Variants in EYS observed in about 807,000 individuals in gnomAD.
EYS encodes the protein EGF-like photoreceptor maintenance factor, also known as protein eyes shut homolog.
In EYS, 250 loss-of-function variants were observed where a neutral mutation model predicts 282.1. That is an observed-to-expected ratio of 0.89 (90% CI 0.80 to 0.98). The LOEUF is 0.98. Ranked by LOEUF, EYS falls within the 50% of genes least tolerant of loss-of-function variation. The pLI is 0.00. For synonymous variants in EYS, 1,355 were observed against 1,282.9 expected, an observed-to-expected ratio of 1.06 and a Z score of -1.20; for missense variants, 4,016 against 3,709.0, an observed-to-expected ratio of 1.08 and a Z score of -2.15.
intron 12 of EYS, among the ~76,000 whole-genome samples, chr6:65,121,682 C>T (rs1775555552): frequency 6.6e-6 from 1 of 152,128 alleles, no homozygotes; most frequent in Non-Finnish European, 1.5e-5. Context: ...TCTACAATTA[C>T]TTGCATGTTT....
intron 12 of EYS, among the ~76,000 whole-genome samples, chr6:65,139,272 A>T (rs115285696): frequency 3.2e-4 from 49 of 152,034 alleles, no homozygotes; most frequent in African/African-American, 1.2e-3. Context: ...ATGAGATCAC[A>T]TCCTTTGAAA....
chr6:64,301,686 G>A (rs763653461), intron 30 of EYS, among the ~76,000 whole-genome samples: 17 of 152,096 alleles, frequency 1.1e-4, no homozygotes, highest in Non-Finnish European at 2.2e-4. Flanking sequence ...CTCTGATTAC[G>A]CAGGCCATGT....
intron 22 of EYS, among the ~76,000 whole-genome samples, chr6:64,689,265 G>A (rs1340528109): frequency 6.6e-6 from 1 of 152,050 alleles, no homozygotes; most frequent in Non-Finnish European, 1.5e-5. Context: ...AACTTGCAAG[G>A]GATGTGAAGG....
At chr6:64,829,743 C>T (rs538931624) in intron 19 of EYS, among the ~76,000 whole-genome samples, 174 of 152,014 alleles carry the variant, frequency 1.1e-3, no homozygotes, top group African/African-American at 4.1e-3. Context: ...TTATATGATG[C>T]TTTGTTCCCA....
At chr6:63,879,169 C>T (rs1562075187) in intron 35 of EYS, among the ~76,000 whole-genome samples, 1 of 151,998 alleles carries the variant, frequency 6.6e-6, no homozygotes, top group South Asian at 2.1e-4. Flanking sequence ...GATTTTGGTG[C>T]CATTCTTGAA....
At chr6:65,125,576 A>G (rs140943906) in intron 12 of EYS, among the ~76,000 whole-genome samples, 233 of 152,308 alleles carry the variant, frequency 1.5e-3, no homozygotes, top group African/African-American at 5.0e-3. Context: ...TGCATTTATT[A>G]TAGACTAAAG....
At chr6:64,301,790 C>A (rs529240471) in intron 30 of EYS, among the ~76,000 whole-genome samples, 1 of 152,286 alleles carries the variant, frequency 6.6e-6, no homozygotes, top group Admixed American at 6.5e-5. Context: ...CCATACCTAA[C>A]GCTTTAACAC....
chr6:65,007,102 C>G (rs962862619), intron 13 of EYS, among the ~76,000 whole-genome samples: 2 of 151,956 alleles, frequency 1.3e-5, no homozygotes, highest in African/African-American at 4.8e-5. Flanking sequence ...TTTTTGTGGT[C>G]AAGAGAGGCG....
At chr6:65,007,437 A>G (rs1485100516) in intron 13 of EYS, among the ~76,000 whole-genome samples, 1 of 152,162 alleles carries the variant, frequency 6.6e-6, no homozygotes, top group African/African-American at 2.4e-5. Context: ...GGGGGGAGAA[A>G]CCTGGCCTCC....
At chr6:65,607,603 A>G (rs1015655714) in intron 2 of EYS, among the ~76,000 whole-genome samples, 1 of 150,802 alleles carries the variant, frequency 6.6e-6, no homozygotes, top group Non-Finnish European at 1.5e-5. Context: ...ATGTTTAATC[A>G]AACTCATCTT....
rs1470444230 is a variant in EYS, at chr6:64,902,421, A to G, written c.2721T>C (p.Asp907=). ...LSCQDYGDCE[D]MVNNFRCICR... is the part of the protein sequence containing the mutation. ...TTCTGTACCTGAAATTGTTGACCAT[A>G]TCTTCACAGTCACCATAATCCTGGC... is the stretch of plus-strand genomic sequence containing the variant. The change falls in exon 17 of 43, where the codon GAT becomes GAC. Residue 907 remains aspartate (D), a synonymous_variant. Transcript: ENST00000503581. 4 of 1,536,176 alleles carry G rather than the reference A, an allele frequency of 2.6e-6. No individual in the cohort carries two copies. Among genetic ancestry groups the G allele is most frequent in the Non-Finnish European group, 3.5e-6 (4 of 1,142,780 alleles).
intron 31 of EYS, among the ~76,000 whole-genome samples, chr6:64,211,596 AT>A (rs1340331731): frequency 9.8e-5 from 7 of 71,646 alleles, no homozygotes; most frequent in African/African-American, 2.9e-4. Flanking sequence ...TATTAATCTA[AT>A]TTAATTCATT....
At position 64,137,762 on chromosome 6, in the gene EYS, C is replaced by A. The variant is rs1355095369; in HGVS notation, c.6425-55760G>T. Among the ~76,000 whole-genome samples, 3 of 152,022 alleles carry A rather than the reference C, an allele frequency of 2.0e-5. No individual in the cohort carries two copies. The South Asian group carries it at 6.2e-4, about 31-fold the overall frequency. The stretch of plus-strand genomic sequence containing the variant: ...CAATGACAGTAGTAATATCAAAGGT[C>A]ACTGATTATAAATCAGCATAACATA... On this transcript the variant is annotated intron_variant, in intron 31 of 42. Transcript: ENST00000503581.
chr6:65,209,869 C>CA (rs1173953742), intron 12 of EYS, among the ~76,000 whole-genome samples: 2 of 151,792 alleles, frequency 1.3e-5, no homozygotes, highest in African/African-American at 4.8e-5. Context: ...ACAAAGGGAA[C>CA]AACACATATA....
intron 40 of EYS, among the ~76,000 whole-genome samples, chr6:63,764,727 T>G (rs1769741158): frequency 1.3e-5 from 2 of 151,932 alleles, no homozygotes; most frequent in African/African-American, 4.8e-5. Context: ...TAAGCATAAT[T>G]TAATATAGAT....
intron 2 of EYS, among the ~76,000 whole-genome samples, chr6:65,584,851 C>T (rs966736730): frequency 6.6e-6 from 1 of 150,598 alleles, no homozygotes; most frequent in African/African-American, 2.4e-5. Context: ...ATACAATTTA[C>T]TTATAAACCT....
chr6:65,266,631 G>C (rs2150262125), intron 12 of EYS, among the ~76,000 whole-genome samples: 1 of 151,708 alleles, frequency 6.6e-6, no homozygotes. Context: ...GAGGATTTTT[G>C]CATCAATGTT....
In EYS at chr6:64,844,500, T is replaced by G. The variant is rs112644846; in HGVS notation, c.2993-21678A>C. 7.7e-3 allele frequency among the ~76,000 whole-genome samples: 1,167 copies of G among 152,168 alleles called. 12 individuals carry two copies. The highest frequency in any genetic ancestry group is 0.026 in the African/African-American group (1,084 of 41,542). On this transcript the variant is annotated intron_variant, in intron 19 of 42. Coordinates refer to ENST00000503581, the MANE Select transcript of EYS (RefSeq NM_001142800.2). ...CTGGTAATATTATATTTTAAAGATT[T>G]TCTGAGCAAGTAAATCTGTCTCTTA...
In EYS at chr6:65,273,459, C is replaced by G. The variant is rs1006427671; in HGVS notation, c.2023+22404G>C. Among the ~76,000 whole-genome samples, 5 of 151,288 alleles carry G rather than the reference C, an allele frequency of 3.3e-5. No individual in the cohort carries two copies. In the East Asian group the frequency reaches 9.7e-4, roughly 29 times the overall value. On this transcript the variant is annotated intron_variant, in intron 12 of 42. Coordinates refer to ENST00000503581, the MANE Select transcript of EYS (RefSeq NM_001142800.2). ...AAGGCAAGGGTTACAAAGAAAAGAA[C>G]AAACTTTACTCTACCTAGCAAGCTC...
Sources: gnomAD v4.1 joint callset for allele counts (sites outside exome capture counted in the v4.1 genomes callset) on GRCh38, gnomAD v4.1.1 for gene constraint, MANE v1.5 for transcripts, NCBI Gene and HGNC (gene_info 2026-07-23, HGNC 2026-07-21) for gene names.